Variants in FBXL13 observed in about 807,000 individuals in gnomAD.
The protein encoded by FBXL13 is F-box and leucine-rich repeat protein 13.
Under a neutral mutation model 83.6 loss-of-function variants are expected in FBXL13, and 67 were observed. The ratio of observed to expected loss-of-function variants is 0.80; its 90% CI spans 0.66 to 0.98. The LOEUF is 0.98. Among genes scored for constraint, FBXL13 ranks in the 50% least tolerant of loss-of-function variants. FBXL13 has a pLI of 0.00. For synonymous variants in FBXL13, 272 were observed against 299.5 expected, an observed-to-expected ratio of 0.91 and a Z score of 0.95; for missense variants, 822 against 866.5, an observed-to-expected ratio of 0.95 and a Z score of 0.64.
At chr7:102,851,203 TTCAATGCTAGAGGTCTAGAGA>T (rs1278690908) in intron 17 of FBXL13, among the ~76,000 whole-genome samples, 1 of 152,146 alleles carries the variant, frequency 6.6e-6, no homozygotes, top group Non-Finnish European at 1.5e-5. Context: ...AAGTTTAGAA[TTCAATGCTAGAGGTCTAGAGA>T]ATCTTTTGAC....
At chr7:103,012,479 A>G (rs1052329469) in intron 6 of FBXL13, among the ~76,000 whole-genome samples, 1 of 152,168 alleles carries the variant, frequency 6.6e-6, no homozygotes, top group African/African-American at 2.4e-5. Flanking sequence ...CCTACAAGCC[A>G]GAAGAGATTG....
At chr7:102,984,781 G>T (rs1036544474) in intron 6 of FBXL13, among the ~76,000 whole-genome samples, 5 of 152,192 alleles carry the variant, frequency 3.3e-5, no homozygotes, top group Non-Finnish European at 7.3e-5. Flanking sequence ...TTATCTTAAA[G>T]ATGCGGGAAT....
At chr7:102,994,853 G>C (rs1032310261) in intron 6 of FBXL13, among the ~76,000 whole-genome samples, 1 of 152,304 alleles carries the variant, frequency 6.6e-6, no homozygotes, top group African/African-American at 2.4e-5. Context: ...CAACCCCAAA[G>C]TTAAGCAGAT....
chr7:102,954,297 T>G (rs1823901920), intron 8 of FBXL13, among the ~76,000 whole-genome samples: 1 of 152,204 alleles, frequency 6.6e-6, no homozygotes, highest in Non-Finnish European at 1.5e-5. Flanking sequence ...AAACTAAGCT[T>G]CATAAGTGAA....
chr7:102,952,429 T>C (rs1823561211), intron 8 of FBXL13, among the ~76,000 whole-genome samples: 1 of 152,184 alleles, frequency 6.6e-6, no homozygotes, highest in African/African-American at 2.4e-5. Context: ...TGCAAACCTT[T>C]ACCTAGACTG....
chr7:103,011,967 C>A (rs997245486), intron 6 of FBXL13, among the ~76,000 whole-genome samples: 1 of 152,090 alleles, frequency 6.6e-6, no homozygotes, highest in Non-Finnish European at 1.5e-5. Context: ...CCCAATCTTG[C>A]AGAGAGGACA....
At chr7:103,015,561 G>C (rs944691662) in intron 6 of FBXL13, among the ~76,000 whole-genome samples, 2 of 152,134 alleles carry the variant, frequency 1.3e-5, no homozygotes, top group African/African-American at 4.8e-5. Flanking sequence ...ACTTTGGGAG[G>C]CTGAGGCAGG....
At chr7:102,909,233 C>A (rs1406224919) in intron 11 of FBXL13, among the ~76,000 whole-genome samples, 1 of 152,164 alleles carries the variant, frequency 6.6e-6, no homozygotes, top group Non-Finnish European at 1.5e-5. Flanking sequence ...TCTTATGGCC[C>A]AAGGGCTTTT....
intron 8 of FBXL13, among the ~76,000 whole-genome samples, chr7:102,946,864 G>A (rs977376687): frequency 1.5e-4 from 22 of 151,564 alleles, no homozygotes; most frequent in African/African-American, 3.2e-4. Flanking sequence ...TAGTAGAGAC[G>A]GGGGTTTTGC....
chr7:103,060,018 T>TA (rs1797700033), intron 1 of FBXL13, among the ~76,000 whole-genome samples: 6 of 58,352 alleles, frequency 1.0e-4, no homozygotes, highest in Admixed American at 2.0e-4. Flanking sequence ...TAGCAAGATA[T>TA]TTTATATATA....
At chr7:102,977,108 C>T (rs1004220902) in intron 6 of FBXL13, among the ~76,000 whole-genome samples, 1 of 152,154 alleles carries the variant, frequency 6.6e-6, no homozygotes, top group East Asian at 1.9e-4. Flanking sequence ...AAGCCAAAGA[C>T]GGCAAGAGGA....
At position 102,951,656 on chromosome 7, in the gene FBXL13, T is replaced by A. The variant is rs961351634; in HGVS notation, c.724+11877A>T. ...GAGCCCGTCTCTACAAATTTTTTTT[T>A]AAAAAGATTAGCCAGGTGTGGCCAC... On this transcript the variant is annotated intron_variant, in intron 8 of 19. Transcript: ENST00000313221. Among the ~76,000 whole-genome samples, 9 of 151,412 alleles carry A rather than the reference T, an allele frequency of 5.9e-5. No individual in the cohort carries two copies. The East Asian group carries it at 1.2e-3, about 20-fold the overall frequency.
chr7:102,937,443 G>A (rs1820544330), intron 8 of FBXL13, among the ~76,000 whole-genome samples: 1 of 146,000 alleles, frequency 6.8e-6, no homozygotes, highest in Non-Finnish European at 1.5e-5. Context: ...GGAGGCAGAG[G>A]TTGCAGTGAG....
chr7:102,906,292 T>C (rs1238484847), intron 11 of FBXL13, among the ~76,000 whole-genome samples: 1 of 152,242 alleles, frequency 6.6e-6, no homozygotes, highest in Non-Finnish European at 1.5e-5. Flanking sequence ...TTGATGCTTC[T>C]ATTTATATCT....
At chr7:102,816,261 G>C (rs1173507355) in intron 19 of FBXL13, 1 of 152,174 alleles carries the variant, frequency 6.6e-6, no homozygotes, top group Non-Finnish European at 1.5e-5. Context: ...GGAGGTTAAG[G>C]CTTCCTCCAC....
intron 6 of FBXL13, among the ~76,000 whole-genome samples, chr7:102,995,857 TC>T (rs945586734): frequency 1.4e-4 from 22 of 152,032 alleles, no homozygotes; most frequent in African/African-American, 5.3e-4. Context: ...CAGAAAGTAA[TC>T]TTTAAAATGC....
At chr7:102,891,610 TG>T (rs2129460431) in intron 11 of FBXL13, among the ~76,000 whole-genome samples, 1 of 152,352 alleles carries the variant, frequency 6.6e-6, no homozygotes, top group South Asian at 2.1e-4. Context: ...GCAGTCAATA[TG>T]GTCAGTTGTT....
rs139603265 is a variant in FBXL13, at chr7:102,894,686, A to G, written c.1009-10374T>C. Among the ~76,000 whole-genome samples the G allele has an allele frequency of 3.7e-3, 558 of 151,762 alleles. 5 individuals are homozygous for G. The highest frequency in any genetic ancestry group is 0.013 in the African/African-American group (551 of 41,326). On this transcript the variant is annotated intron_variant, in intron 11 of 19. Coordinates refer to ENST00000313221, the Ensembl canonical transcript of FBXL13. The stretch of plus-strand genomic sequence containing the variant: ...TGAGGCTACAGTGAGCTATGATCAC[A>G]CCACTGTACTACAGCCTGGGTCACA...
chr7:103,044,962 G>C (rs967983668), intron 2 of FBXL13, among the ~76,000 whole-genome samples: 4 of 152,092 alleles, frequency 2.6e-5, no homozygotes, highest in Non-Finnish European at 4.4e-5. Flanking sequence ...TTATAAATAG[G>C]CAATGATAAA....
Sources: allele counts gnomAD v4.1 joint callset (sites outside exome capture counted in the v4.1 genomes callset), GRCh38; gene constraint gnomAD v4.1.1; transcripts MANE v1.5; gene names NCBI Gene and HGNC (gene_info 2026-07-23, HGNC 2026-07-21).